ADH4: variants seen among roughly 807,000 people sequenced by gnomAD.
The protein encoded by ADH4 is all-trans-retinol dehydrogenase [NAD(+)] ADH4.
In ADH4, 31 loss-of-function variants were observed where a neutral mutation model predicts 35.2. The ratio of observed to expected loss-of-function variants is 0.88; its 90% confidence interval spans 0.66 to 1.19. The LOEUF is 1.19. ADH4 is among the 50% of genes most tolerant of loss of function. The pLI is 0.00. For synonymous variants in ADH4, 171 were observed against 160.2 expected (o/e 1.07, Z -0.51); for missense variants, 476 against 458.3 (o/e 1.04, Z -0.35).
chr4:99,129,106 C>T (rs1729190019), intron 6 of ADH4, among the ~76,000 whole-genome samples: 1 of 151,294 alleles, frequency 6.6e-6, no homozygotes, highest in Non-Finnish European at 1.5e-5. Context: ...GGCCTGTATT[C>T]TTATTAAAGA....
intron 8 of ADH4, among the ~76,000 whole-genome samples, chr4:99,125,598 G>T (rs1477889500): frequency 1.3e-5 from 2 of 152,100 alleles, no homozygotes; most frequent in Non-Finnish European, 2.9e-5. Flanking sequence ...ACATTGCAGG[G>T]CTTATATACT....
chr4:99,140,736 A>G (rs1327988686), intron 3 of ADH4, among the ~76,000 whole-genome samples: 7 of 149,862 alleles, frequency 4.7e-5, no homozygotes, highest in Non-Finnish European at 7.4e-5. Flanking sequence ...GTGTGGTGGC[A>G]CATGCCTGTA....
chr4:99,143,403 A>G (rs1729700355), intron 1 of ADH4: 1 of 407,890 alleles, frequency 2.5e-6, no homozygotes, highest in Non-Finnish European at 4.4e-6. Context: ...ATTAAATAAA[A>G]ATTTCATCTA....
At chr4:99,135,463 G>A (rs1348221105) in intron 5 of ADH4, among the ~76,000 whole-genome samples, 1 of 152,080 alleles carries the variant, frequency 6.6e-6, no homozygotes, top group African/African-American at 2.4e-5. Flanking sequence ...AAACTGGGAG[G>A]GATACCCAAA....
chr4:99,142,933 G>T (rs1729678107), intron 1 of ADH4, 153 bp from the exon 2 acceptor site: 1 of 609,272 alleles, frequency 1.6e-6, no homozygotes, highest in African/African-American at 1.9e-5. Flanking sequence ...GGATCTTATA[G>T]ATATTATTTT....
chr4:99,127,576 C>A (rs947453758), intron 6 of ADH4, among the ~76,000 whole-genome samples: 1 of 152,180 alleles, frequency 6.6e-6, no homozygotes, highest in Non-Finnish European at 1.5e-5. Flanking sequence ...TTCCTGTAAT[C>A]CTAGAACTTT....
At chr4:99,141,810 A>T in intron 2 of ADH4, 128 bp from the exon 3 acceptor site, 1 of 831,438 alleles carries the variant, frequency 1.2e-6, no homozygotes, top group South Asian at 4.1e-5. Context: ...TAAAAGAATC[A>T]CCTTTTGAAA....
chr4:99,124,732 G>A (rs1729029043), intron 8 of ADH4, among the ~76,000 whole-genome samples: 1 of 152,184 alleles, frequency 6.6e-6, no homozygotes, highest in Admixed American at 6.5e-5. Context: ...CTGTTGAGGA[G>A]AATTAGAATG....
At chr4:99,126,405 C>T (rs548018073) in intron 8 of ADH4, among the ~76,000 whole-genome samples, 189 bp downstream of exon 8, 1 of 152,302 alleles carries the variant, frequency 6.6e-6, no homozygotes, top group East Asian at 1.9e-4. Context: ...TAACAGTGTA[C>T]AGATGTGCAT....
At chr4:99,127,444 C>A in intron 6 of ADH4, 100 bp from the exon 7 acceptor site, 1 of 918,986 alleles carries the variant, frequency 1.1e-6, no homozygotes, top group Non-Finnish European at 1.6e-6. Flanking sequence ...TAATCCAACT[C>A]TGCATGTAAG....
intron 8 of ADH4, 21 bp from the exon 9 acceptor site, chr4:99,124,487 T>G: frequency 7.1e-7 from 1 of 1,410,482 alleles, no homozygotes; most frequent in Admixed American, 2.0e-5. Flanking sequence ...CAATAAAACA[T>G]TAATAAGTAT....
intron 4 of ADH4, among the ~76,000 whole-genome samples, chr4:99,138,029 T>G (rs1463909016): frequency 6.6e-6 from 1 of 152,236 alleles, no homozygotes; most frequent in East Asian, 1.9e-4. Flanking sequence ...GTAATCTGGT[T>G]GAACATATTT....
At position 99,136,718 on chromosome 4, in the gene ADH4, G is replaced by C. The variant is rs375090579; in HGVS notation, c.351-21C>G. 330 of 1,427,472 alleles carry C rather than the reference G, an allele frequency of 2.3e-4. 1 individual carries two copies. The highest frequency in any genetic ancestry group is 1.1e-3 in the South Asian group (92 of 85,668). 88.4% of individuals were successfully genotyped at this position (1,427,472 alleles called of 1,614,324 possible). A position where few individuals can be genotyped will look rare whatever the true frequency, so the allele number is the denominator to read the frequency against. On this transcript the variant is annotated intron_variant, in intron 4 of 8. Coordinates refer to ENST00000265512, the MANE Select transcript of ADH4 (RefSeq NM_000670.5). ...GATTACTAGAAAATTAAAAAAAAGA[G>C]TGATACAAATAAAGAGAAGTTATAA...
At chr4:99,139,878 C>T (rs1462046626) in intron 3 of ADH4, among the ~76,000 whole-genome samples, 1 of 152,186 alleles carries the variant, frequency 6.6e-6, no homozygotes, top group Non-Finnish European at 1.5e-5. Flanking sequence ...ATTGGCCAGA[C>T]TCCTTCATTG....
At chr4:99,129,284 T>G (rs1035899591) in intron 6 of ADH4, among the ~76,000 whole-genome samples, 2 of 152,006 alleles carry the variant, frequency 1.3e-5, no homozygotes, top group Non-Finnish European at 2.9e-5. Context: ...TGGTAAAATC[T>G]TGTCCTAAAA....
At position 99,136,577 on chromosome 4, in the gene ADH4, C is replaced by T; in HGVS notation, c.471G>A (p.Val157=). The change falls in exon 5 of 9, where the codon GTG becomes GTA. Residue 157 remains valine (V), a synonymous_variant. Transcript: ENST00000265512. The stretch of plus-strand genomic sequence containing the variant: ...TTTTGGCAAGATTGATATCTGACAC[C>T]ACAGTGTACTGAGAGAATGTACTGG... ...FGTSTFSQYT[V]VSDINLAKID... 1 of 1,614,002 alleles carries T rather than the reference C, an allele frequency of 6.2e-7. No individual in the cohort carries two copies. Among genetic ancestry groups the T allele is most frequent in the South Asian group, 1.1e-5 (1 of 91,082 alleles).
Position 99,126,547 on chromosome 4 carries a change from C to A in ADH4, c.1118+47G>T, listed in dbSNP as rs778841574. ...CTTAACATCAAAAAGAAGATAGAAT[C>A]ATTGTAAACGTTTTTTAAATCATTC... On this transcript the variant is annotated intron_variant, in intron 8 of 8. Transcript: ENST00000265512. 5.3e-6 allele frequency: 8 copies of A among 1,523,652 alleles called. No individual in the cohort carries two copies. In the African/African-American group the frequency reaches 9.6e-5, roughly 18 times the overall value. 94.4% of individuals were successfully genotyped at this position (1,523,652 alleles called of 1,614,324 possible).
At chr4:99,137,285 G>A (rs1338298398) in intron 4 of ADH4, among the ~76,000 whole-genome samples, 3 of 152,018 alleles carry the variant, frequency 2.0e-5, no homozygotes, top group Non-Finnish European at 4.4e-5. Flanking sequence ...GCACCACCAG[G>A]CCCGGCTAAT....
chr4:99,125,674 A>G (rs1412861582), intron 8 of ADH4, among the ~76,000 whole-genome samples: 1 of 152,146 alleles, frequency 6.6e-6, no homozygotes, highest in East Asian at 1.9e-4. Context: ...TCCTTCTGAT[A>G]TGTTGTGACT....
Sources: allele counts gnomAD v4.1 joint callset (sites outside exome capture counted in the v4.1 genomes callset), GRCh38; gene constraint gnomAD v4.1.1; transcripts MANE v1.5; gene names NCBI Gene and HGNC (gene_info 2026-07-23, HGNC 2026-07-21).